The following CDC42 variants were observed in gnomAD, a reference collection of about 807,000 sequenced individuals.
CDC42 encodes the protein cell division cycle 42.
In CDC42, 1 loss-of-function variant was observed where a neutral mutation model predicts 20.8. The ratio of observed to expected loss-of-function variants is 0.05; its 90% CI spans 0.02 to 0.23. The LOEUF (loss-of-function observed/expected upper bound fraction) is 0.23. Ranked by LOEUF, CDC42 falls within the 10% of genes least tolerant of loss-of-function variation. CDC42 has a pLI of 1.00. For missense variants in CDC42, 49 were observed against 227.9 expected (o/e 0.21, Z 5.05); for synonymous variants, 72 against 84.8 (o/e 0.85, Z 0.83).
rs1349290764 is a variant in CDC42, at chr1:22,091,983, T to C, written c.*466T>C. 2 of 152,564 alleles carry C rather than the reference T, an allele frequency of 1.3e-5. No homozygotes were observed. Among genetic ancestry groups the C allele is most frequent in the Non-Finnish European group, 2.9e-5 (2 of 68,148 alleles). The allele number at this position is 152,564 out of a possible 1,614,324, so 9.5% of individuals were successfully genotyped here. A position where few individuals can be genotyped will look rare whatever the true frequency, so the allele number is the denominator to read the frequency against. ...GGGGGAGTGTGTGTGGGGTTTGTTT[T>C]TTAGTCTTGTTTTTTTAATTCATTA... is the stretch of plus-strand genomic sequence containing the variant. On this transcript the variant is annotated 3_prime_UTR_variant, in exon 6 of 6. Coordinates refer to ENST00000656825, the MANE Select transcript of CDC42 (RefSeq NM_001791.4).
At position 22,086,892 on chromosome 1, in the gene CDC42, G is replaced by C. The variant is rs373370993; in HGVS notation, c.486+26G>C. On this transcript the variant is annotated intron_variant, in intron 5 of 5. Coordinates refer to ENST00000656825, the MANE Select transcript of CDC42 (RefSeq NM_001791.4). Reference sequence around the variant, plus strand: ...GTAAGAATGGCATGAAACCCCATGTGTATTTATGGTCGAGTCATTTATTAG... The same window carrying C: ...GTAAGAATGGCATGAAACCCCATGTCTATTTATGGTCGAGTCATTTATTAG... 2.2e-5 allele frequency: 35 copies of C among 1,579,046 alleles called. No individual in the cohort carries two copies. In the African/African-American group the frequency reaches 4.6e-4, roughly 21 times the overall value.
rs1189966796 is a variant in CDC42 at position 22,080,370 on chromosome 1, CA to C, written c.106-1350del. On this transcript the variant is annotated intron_variant, in intron 2 of 5. Transcript: ENST00000656825. ...GTTTGAGAGCTTAACCACATTCATT[CA>C]ATTTCTTTGTTCCTGTTTTTAAGAA... is the stretch of plus-strand genomic sequence containing the variant. Among the ~76,000 whole-genome samples the C allele has an allele frequency of 5.9e-5, 9 of 152,246 alleles. No individual in the cohort carries two copies. The East Asian group carries it at 1.7e-3, about 29-fold the overall frequency.
At position 22,093,233 on chromosome 1, in the gene CDC42, A is replaced by G. The variant is rs1275495434; in HGVS notation, c.*1716A>G. 6.6e-6 allele frequency among the ~76,000 whole-genome samples: 1 copy of G among 152,162 alleles called. No individual in the cohort carries two copies. The highest frequency in any genetic ancestry group is 6.5e-5 in the Admixed American group (1 of 15,276). ...AAGCTCACTGCTCATGGTGGAAGGA[A>G]ATGTCAGTGTACCTTTAATCCATAG... On this transcript the variant is annotated 3_prime_UTR_variant, in exon 6 of 6. Transcript: ENST00000656825.
chr1:22,063,784 C>T (rs1645391068), intron 1 of CDC42, among the ~76,000 whole-genome samples: 1 of 152,076 alleles, frequency 6.6e-6, no homozygotes, highest in South Asian at 2.1e-4. Context: ...GCAGTGATGC[C>T]ATCATGGCTC....
In CDC42 at chr1:22,093,541, A is replaced by G. The variant is rs1224507088; in HGVS notation, c.*2024A>G. On this transcript the variant is annotated 3_prime_UTR_variant, in exon 6 of 6. Coordinates refer to ENST00000656825, the MANE Select transcript of CDC42 (RefSeq NM_001791.4). ...CTGCATGAGAATCTTAGAAACTAAG[A>G]ACCCTTAAAATCAGTTAAGGTTGGT... 6.6e-6 allele frequency among the ~76,000 whole-genome samples: 1 copy of G among 152,220 alleles called. No homozygotes were observed. Among genetic ancestry groups the G allele is most frequent in the Non-Finnish European group, 1.5e-5 (1 of 68,034 alleles).
chr1:22,088,145 CTG>C (rs747259256), intron 5 of CDC42, among the ~76,000 whole-genome samples: 1 of 152,278 alleles, frequency 6.6e-6, no homozygotes, highest in Admixed American at 6.5e-5. Context: ...TGGTGCTTCT[CTG>C]TGTGTTTTAG....
intron 1 of CDC42, among the ~76,000 whole-genome samples, chr1:22,063,834 C>T (rs1645391778): frequency 6.6e-6 from 1 of 152,068 alleles, no homozygotes; most frequent in Admixed American, 6.6e-5. Context: ...GATTCTTGTG[C>T]CTCAGCCTCC....
intron 5 of CDC42, 65 bp from the exon 6 acceptor site, chr1:22,091,363 T>C: frequency 9.7e-7 from 1 of 1,033,302 alleles, no homozygotes; most frequent in Non-Finnish European, 1.5e-6. Context: ...ATGTTTTAAA[T>C]TTGAACTCCA....
chr1:22,099,139 G>A lies in CDC42; in HGVS notation c.*7622G>A, dbSNP rs976938680. The stretch of plus-strand genomic sequence containing the variant: ...GTGGCTGGGGGCCCTGCTTCACCAC[G>A]GCATAGGGACGGGTGCAGTAGGAAG... On this transcript the variant is annotated 3_prime_UTR_variant, in exon 6 of 6. Coordinates refer to ENST00000656825, the MANE Select transcript of CDC42 (RefSeq NM_001791.4). 1.3e-5 allele frequency among the ~76,000 whole-genome samples: 2 copies of A among 152,202 alleles called. No homozygotes were observed. The highest frequency in any genetic ancestry group is 2.4e-5 in the African/African-American group (1 of 41,446).
At chr1:22,080,747 C>G (rs1645598706) in intron 2 of CDC42, among the ~76,000 whole-genome samples, 1 of 152,210 alleles carries the variant, frequency 6.6e-6, no homozygotes, top group African/African-American at 2.4e-5. Context: ...TAACTTCGTA[C>G]AACCGATATT....
intron 1 of CDC42, among the ~76,000 whole-genome samples, chr1:22,066,731 A>G (rs1262160104): frequency 6.6e-6 from 1 of 152,120 alleles, no homozygotes; most frequent in Non-Finnish European, 1.5e-5. Flanking sequence ...TGAGAAGCCA[A>G]AAGCTTTAAG....
At chr1:22,080,048 A>G (rs1036948551) in intron 2 of CDC42, among the ~76,000 whole-genome samples, 1 of 152,220 alleles carries the variant, frequency 6.6e-6, no homozygotes, top group Non-Finnish European at 1.5e-5. Context: ...GAATGCATTT[A>G]AGTTCCCATC....
At chr1:22,089,030 G>A (rs1645690310) in intron 5 of CDC42, among the ~76,000 whole-genome samples, 1 of 152,142 alleles carries the variant, frequency 6.6e-6, no homozygotes, top group Non-Finnish European at 1.5e-5. Context: ...TCTGGGGTTG[G>A]CACTTACAAT....
intron 1 of CDC42, among the ~76,000 whole-genome samples, chr1:22,061,365 AC>A (rs1004539530): frequency 1.3e-5 from 2 of 149,716 alleles, no homozygotes; most frequent in Non-Finnish European, 3.0e-5. Context: ...CCGAGATTGC[AC>A]CACTGCACTT....
Position 22,081,699 on chromosome 1 carries a change from G to T in CDC42, c.106-23G>T, listed in dbSNP as rs41300114. ...TTAACTCTCTCCTTGCACACTAACAGTGTTGTATTTTTTTGTTTTTAGGTT... is the reference window on the plus strand; with the variant it reads ...TTAACTCTCTCCTTGCACACTAACATTGTTGTATTTTTTTGTTTTTAGGTT... On this transcript the variant is annotated intron_variant, in intron 2 of 5. Transcript: ENST00000656825. The T allele has an allele frequency of 5.1e-3, 7,577 of 1,484,692 alleles. 39 individuals are homozygous for T. The highest frequency in any genetic ancestry group is 6.4e-3 in the Non-Finnish European group (6,844 of 1,063,102). The allele number at this position is 1,484,692 out of a possible 1,614,324, so 92.0% of individuals were successfully genotyped here.
Position 22,096,670 on chromosome 1 carries a change from G to A in CDC42, c.*5153G>A, listed in dbSNP as rs375791078. ...ACTGTATTCTGTGTGCCTGTGCCGC[G>A]GTGCAGGTGGTCAGTTGGAACCCCT... On this transcript the variant is annotated 3_prime_UTR_variant, in exon 6 of 6. Coordinates refer to ENST00000656825, the MANE Select transcript of CDC42 (RefSeq NM_001791.4). 9.2e-5 allele frequency among the ~76,000 whole-genome samples: 14 copies of A among 152,300 alleles called. No individual in the cohort carries two copies. In the East Asian group the frequency reaches 2.5e-3, roughly 27 times the overall value.
chr1:22,078,935 G>A (rs1645579654), intron 2 of CDC42: 1 of 1,004,768 alleles, frequency 1.0e-6, no homozygotes, highest in Admixed American at 4.1e-5. Context: ...ATCAGTACTT[G>A]GAGGTCTCCT....
intron 1 of CDC42, among the ~76,000 whole-genome samples, chr1:22,066,375 C>CA (rs34997919): frequency 0.014 from 1,887 of 137,104 alleles, 41 homozygotes; most frequent in African/African-American, 0.046. Flanking sequence ...ACCCTGTCTC[C>CA]AAAAAAAAAA....
intron 2 of CDC42, 106 bp from the exon 3 acceptor site, chr1:22,081,612 AGGGG>A (rs1645608532): frequency 5.9e-6 from 4 of 683,402 alleles, no homozygotes; most frequent in Admixed American, 4.9e-5. Flanking sequence ...TGGATGGACT[AGGGG>A]ACGATTAAGT....
Sources: gnomAD v4.1 joint callset for allele counts (sites outside exome capture counted in the v4.1 genomes callset) on GRCh38, gnomAD v4.1.1 for gene constraint, MANE v1.5 for transcripts, NCBI Gene and HGNC (gene_info 2026-07-23, HGNC 2026-07-21) for gene names.